The following GARNL3 variants were observed in gnomAD, a reference collection of about 807,000 sequenced individuals.
GARNL3 encodes GTPase activating Rap/RanGAP domain like 3, also known as GTPase-activating Rap/Ran-GAP domain-like protein 3.
In GARNL3, 63 loss-of-function variants were observed where a neutral mutation model predicts 125.0. The observed-to-expected ratio is 0.50, with a 90% CI of 0.41 to 0.62. The LOEUF (loss-of-function observed/expected upper bound fraction) is 0.62. Ranked by LOEUF, GARNL3 falls within the 20% of genes least tolerant of loss-of-function variation. The pLI, the probability that GARNL3 is intolerant of heterozygous loss-of-function variation, is 0.00. For synonymous variants in GARNL3, 439 were observed against 457.5 expected, an observed-to-expected ratio of 0.96 and a Z score of 0.52; for missense variants, 994 against 1,244.0, an observed-to-expected ratio of 0.80 and a Z score of 3.02.
chr9:127,381,351 G>A (rs866848056), intron 22 of GARNL3, among the ~76,000 whole-genome samples: 27 of 152,124 alleles, frequency 1.8e-4, no homozygotes, highest in African/African-American at 6.5e-4. Context: ...TCATCAAGTT[G>A]CTAATTATAT....
intron 4 of GARNL3, among the ~76,000 whole-genome samples, chr9:127,314,974 G>A (rs2065199451): frequency 2.6e-5 from 4 of 152,196 alleles, no homozygotes; most frequent in Admixed American, 2.0e-4. Context: ...ACAAATGTGA[G>A]ACAAACAAGG....
intron 1 of GARNL3, among the ~76,000 whole-genome samples, chr9:127,231,201 C>G (rs2063008677): frequency 6.9e-6 from 1 of 145,724 alleles, no homozygotes; most frequent in Non-Finnish European, 1.5e-5. Context: ...ACTACAGGCG[C>G]CCGCCACCAC....
chr9:127,379,120 A>C (rs1327270057), intron 22 of GARNL3, among the ~76,000 whole-genome samples: 2 of 152,198 alleles, frequency 1.3e-5, no homozygotes, highest in Non-Finnish European at 2.9e-5. Flanking sequence ...CTGAGGGAAC[A>C]AAGGGAGGCT....
intron 1 of GARNL3, among the ~76,000 whole-genome samples, chr9:127,227,552 G>A (rs1157988049): frequency 6.6e-6 from 1 of 151,888 alleles, no homozygotes; most frequent in South Asian, 2.1e-4. Flanking sequence ...AGTGAGCTGA[G>A]ATTGTGCCAC....
At chr9:127,311,815 T>A in intron 3 of GARNL3, 80 bp downstream of exon 3, 2 of 968,590 alleles carry the variant, frequency 2.1e-6, no homozygotes, top group Non-Finnish European at 3.3e-6. Flanking sequence ...TGGTATCCTA[T>A]ATGAGTGAAA....
intron 1 of GARNL3, among the ~76,000 whole-genome samples, chr9:127,284,233 AT>A (rs1255646019): frequency 2.3e-4 from 35 of 152,064 alleles, no homozygotes; most frequent in African/African-American, 8.2e-4. Context: ...TTCTTAAAAT[AT>A]TTTTCATTGT....
At chr9:127,348,357 C>A (rs1444242396) in intron 16 of GARNL3, among the ~76,000 whole-genome samples, 2 of 152,178 alleles carry the variant, frequency 1.3e-5, no homozygotes, top group African/African-American at 4.8e-5. Flanking sequence ...CATGCGGAAA[C>A]CTGACTAGCT....
intron 22 of GARNL3, among the ~76,000 whole-genome samples, chr9:127,375,236 G>C (rs1831833255): frequency 6.6e-6 from 1 of 152,112 alleles, no homozygotes; most frequent in Admixed American, 6.5e-5. Flanking sequence ...GCCAAGGCAG[G>C]CAGATCACCT....
chr9:127,374,005 CA>C (rs1021417999), intron 22 of GARNL3, among the ~76,000 whole-genome samples: 85 of 141,870 alleles, frequency 6.0e-4, no homozygotes, highest in African/African-American at 1.1e-3. Flanking sequence ...GACTCCGTCT[CA>C]AAAAAAAAAA....
intron 17 of GARNL3, among the ~76,000 whole-genome samples, chr9:127,353,048 CCT>C (rs759308005): frequency 1.3e-5 from 2 of 152,098 alleles, no homozygotes; most frequent in African/African-American, 2.4e-5. Context: ...ATTTTAGCCC[CCT>C]GTGTCCTCGG....
At chr9:127,245,132 G>A (rs2063274656) in intron 2 of GARNL3, among the ~76,000 whole-genome samples, 1 of 152,222 alleles carries the variant, frequency 6.6e-6, no homozygotes, top group Non-Finnish European at 1.5e-5. Flanking sequence ...CTCAGCGCTG[G>A]AGCTCCGAGC....
chr9:127,304,256 G>A (rs1285776424), intron 2 of GARNL3, among the ~76,000 whole-genome samples: 1 of 152,080 alleles, frequency 6.6e-6, no homozygotes, highest in Non-Finnish European at 1.5e-5. Context: ...ATTTATTGTA[G>A]GTTAAAACCA....
intron 17 of GARNL3, among the ~76,000 whole-genome samples, chr9:127,350,656 G>A (rs1830377557): frequency 6.6e-6 from 1 of 151,876 alleles, no homozygotes; most frequent in East Asian, 1.9e-4. Context: ...GATGCCTGTA[G>A]TCCCAGCTGC....
At chr9:127,378,089 A>G (rs1468367977) in intron 22 of GARNL3, among the ~76,000 whole-genome samples, 1 of 151,790 alleles carries the variant, frequency 6.6e-6, no homozygotes, top group Non-Finnish European at 1.5e-5. Flanking sequence ...AAAATACAAA[A>G]AATTAGCCAG....
intron 5 of GARNL3, among the ~76,000 whole-genome samples, chr9:127,319,512 A>G (rs1213101384): frequency 6.6e-6 from 1 of 152,034 alleles, no homozygotes; most frequent in Non-Finnish European, 1.5e-5. Context: ...AACCAAGATT[A>G]AGAAGTGAAA....
At chr9:127,335,179 C>A in intron 9 of GARNL3, 51 bp from the exon 10 acceptor site, 1 of 1,291,410 alleles carries the variant, frequency 7.7e-7, no homozygotes, top group Non-Finnish European at 1.1e-6. Context: ...AAATGCTTTC[C>A]TTTTGGCTCG....
intron 2 of GARNL3, chr9:127,300,975 G>A: frequency 5.4e-6 from 1 of 185,452 alleles, no homozygotes; most frequent in South Asian, 1.0e-4. Flanking sequence ...AGAAATGTCT[G>A]CAGCCATTTC....
chr9:127,349,132 G>A (rs187540016), intron 17 of GARNL3, 97 bp downstream of exon 17: 13 of 815,990 alleles, frequency 1.6e-5, no homozygotes, highest in South Asian at 1.1e-4. Context: ...GGCCATAAAT[G>A]TGTGATCTGC....
At chr9:127,327,943 T>A (rs912670117) in intron 7 of GARNL3, among the ~76,000 whole-genome samples, 1 of 152,246 alleles carries the variant, frequency 6.6e-6, no homozygotes. Flanking sequence ...ATAGCTTTTG[T>A]ATCTCAAAAT....
Sources: allele counts gnomAD v4.1 joint callset (sites outside exome capture counted in the v4.1 genomes callset), GRCh38; gene constraint gnomAD v4.1.1; transcripts MANE v1.5; gene names NCBI Gene and HGNC (gene_info 2026-07-23, HGNC 2026-07-21).